The following MYO5B variants were observed in gnomAD, a reference collection of about 807,000 sequenced individuals.
The protein encoded by MYO5B is unconventional myosin-Vb.
A neutral mutation model predicts 229.3 loss-of-function variants in MYO5B; 143 were observed. The ratio of observed to expected loss-of-function variants is 0.62; its 90% CI spans 0.54 to 0.72. The LOEUF is 0.72. Among genes scored for constraint, MYO5B ranks in the 30% least tolerant of loss-of-function variants. MYO5B has a pLI of 0.00. For missense variants in MYO5B, 2,321 were observed against 2,331.0 expected, an observed-to-expected ratio of 1.00 and a Z score of 0.09; for synonymous variants, 918 against 885.2, an observed-to-expected ratio of 1.04 and a Z score of -0.66.
rs748673284 is a variant in MYO5B, at chr18:49,853,652, G to C, written c.4023-5C>G. On this transcript the variant is annotated splice_region_variant and splice_polypyrimidine_tract_variant and intron_variant, in intron 30 of 39. Coordinates refer to ENST00000285039, the MANE Select transcript of MYO5B (RefSeq NM_001080467.3). Reference sequence around the variant, plus strand: ...TGCAGCTGAGCCTCCAGCAGCCTGTGCCAGGGAGAGGACAGGTGAGCACGT... The same window carrying C: ...TGCAGCTGAGCCTCCAGCAGCCTGTCCCAGGGAGAGGACAGGTGAGCACGT... The C allele has an allele frequency of 1.2e-6, 2 of 1,611,154 alleles. No homozygotes were observed. The highest frequency in any genetic ancestry group is 1.7e-6 in the Non-Finnish European group (2 of 1,179,752).
At chr18:49,964,261 T>C (rs1457740227) in intron 10 of MYO5B, among the ~76,000 whole-genome samples, 1 of 152,238 alleles carries the variant, frequency 6.6e-6, no homozygotes, top group Non-Finnish European at 1.5e-5. Flanking sequence ...GTTCTTCTAA[T>C]ACTGGTTAAC....
In MYO5B at chr18:49,912,131, G is replaced by T; in HGVS notation, c.2133C>A (p.Val711=). The change falls in exon 18 of 40, where the codon GTC becomes GTA. Residue 711 remains valine (V), a synonymous_variant. Coordinates refer to ENST00000285039, the MANE Select transcript of MYO5B (RefSeq NM_001080467.3). The part of the protein sequence containing the change: ...HDFFNRYRVL[V]KKRELANTDK... The stretch of plus-strand genomic sequence containing the variant: ...CTGTGTTGGCGAGCTCTCTCTTCTT[G>T]ACCAGCACCCGATACCGGTTGAAAA... The T allele has an allele frequency of 6.2e-7, 1 of 1,614,050 alleles. No individual in the cohort carries two copies. The highest frequency in any genetic ancestry group is 8.5e-7 in the Non-Finnish European group (1 of 1,180,026).
intron 36 of MYO5B, 61 bp downstream of exon 36, chr18:49,839,083 A>C: frequency 6.2e-7 from 1 of 1,603,800 alleles, no homozygotes; most frequent in Non-Finnish European, 8.5e-7. Context: ...GGTGCTGACC[A>C]CGCCTTCCCC....
chr18:50,045,432 T>C (rs2030196499), intron 2 of MYO5B, among the ~76,000 whole-genome samples: 2 of 152,206 alleles, frequency 1.3e-5, no homozygotes, highest in Admixed American at 6.5e-5. Context: ...CTTGCTCTAC[T>C]GCCCAGCCTG....
chr18:49,976,128 C>T (rs560535431), intron 9 of MYO5B, among the ~76,000 whole-genome samples: 4 of 152,336 alleles, frequency 2.6e-5, no homozygotes, highest in Admixed American at 6.5e-5. Context: ...AGCTTATTAA[C>T]GCTGAGGCTG....
intron 1 of MYO5B, among the ~76,000 whole-genome samples, chr18:50,083,599 G>T (rs1342727355): frequency 6.6e-6 from 1 of 152,140 alleles, no homozygotes; most frequent in Non-Finnish European, 1.5e-5. Flanking sequence ...GTGACACGTG[G>T]GCATCACAGC....
At position 50,170,420 on chromosome 18, in the gene MYO5B, T is replaced by C. The variant is rs2032907425; in HGVS notation, c.27+24347A>G. 3.1e-5 allele frequency among the ~76,000 whole-genome samples: 4 copies of C among 128,200 alleles called. 1 individual carries two copies. In the South Asian group the frequency reaches 1.1e-3, roughly 35 times the overall value. The allele number at this position is 128,200 out of a possible 152,430, so 84.1% of individuals were successfully genotyped here. A position where few individuals can be genotyped will look rare whatever the true frequency, so the allele number is the denominator to read the frequency against. On this transcript the variant is annotated intron_variant, in intron 1 of 39. Coordinates refer to ENST00000285039, the MANE Select transcript of MYO5B (RefSeq NM_001080467.3). ...TTAAGGTAACCTTTAGAATATTACC[T>C]ACAAATAAACGGGGACTTTGATAAA...
chr18:50,006,284 G>T (rs903162053), intron 4 of MYO5B, among the ~76,000 whole-genome samples: 3 of 152,158 alleles, frequency 2.0e-5, no homozygotes, highest in African/African-American at 7.2e-5. Flanking sequence ...CCAATGTGTG[G>T]CTTCATCCAT....
chr18:50,165,293 G>C (rs2032829752), intron 1 of MYO5B, among the ~76,000 whole-genome samples: 1 of 152,008 alleles, frequency 6.6e-6, no homozygotes, highest in Admixed American at 6.6e-5. Context: ...GAACAGCCTG[G>C]GCAACATGGC....
At chr18:49,834,881 A>G (rs2023968814) in intron 39 of MYO5B, among the ~76,000 whole-genome samples, 1 of 152,100 alleles carries the variant, frequency 6.6e-6, no homozygotes, top group African/African-American at 2.4e-5. Flanking sequence ...CTCGTGATCC[A>G]CCCACCTCGG....
intron 22 of MYO5B, among the ~76,000 whole-genome samples, chr18:49,890,700 A>G (rs17800754): frequency 0.58 from 88,307 of 151,942 alleles, 25,810 homozygotes; most frequent in Middle Eastern, 0.67. Context: ...TGCCAATCAG[A>G]AAAGGTTCCT....
At chr18:49,891,904 C>A (rs1241274044) in intron 22 of MYO5B, among the ~76,000 whole-genome samples, 2 of 152,226 alleles carry the variant, frequency 1.3e-5, no homozygotes, top group African/African-American at 2.4e-5. Context: ...TGCCTGGGGG[C>A]CTGCTAGTCA....
chr18:50,050,939 T>G (rs75160592), intron 2 of MYO5B, among the ~76,000 whole-genome samples: 1,740 of 152,342 alleles, frequency 0.011, 34 homozygotes, highest in African/African-American at 0.04. Flanking sequence ...CACGTGCTCT[T>G]GTCGTGGTTC....
At chr18:49,946,392 A>G (rs914685685) in intron 14 of MYO5B, 1 of 152,162 alleles carries the variant, frequency 6.6e-6, no homozygotes, top group Non-Finnish European at 1.5e-5. Flanking sequence ...CCGTAGATGC[A>G]TTTCCTTTGA....
intron 10 of MYO5B, among the ~76,000 whole-genome samples, chr18:49,972,510 A>G (rs1034908132): frequency 1.3e-5 from 2 of 152,256 alleles, no homozygotes; most frequent in African/African-American, 2.4e-5. Context: ...AAATTTTTAC[A>G]TGCTATTGAC....
chr18:49,891,224 T>A (rs2024710595), intron 22 of MYO5B, among the ~76,000 whole-genome samples: 1 of 152,150 alleles, frequency 6.6e-6, no homozygotes, highest in South Asian at 2.1e-4. Context: ...TCACCTGTTA[T>A]CCCCAAATCG....
chr18:50,097,640 G>T (rs2031577925), intron 1 of MYO5B: 1 of 194,668 alleles, frequency 5.1e-6, no homozygotes, highest in Admixed American at 5.8e-5. Context: ...CAATAAGCAT[G>T]ATGGGTATGT....
At chr18:50,092,898 AATAC>A (rs1040390635) in intron 1 of MYO5B, among the ~76,000 whole-genome samples, 7 of 152,204 alleles carry the variant, frequency 4.6e-5, no homozygotes, top group Admixed American at 2.0e-4. Flanking sequence ...TAAAATTCAG[AATAC>A]ATAAAGGAAA....
In MYO5B at chr18:50,140,614, C is replaced by T. The variant is rs534542639; in HGVS notation, c.27+54153G>A. 2.3e-4 allele frequency among the ~76,000 whole-genome samples: 35 copies of T among 152,300 alleles called. 1 individual carries two copies. In the South Asian group the frequency reaches 7.1e-3, roughly 31 times the overall value. On this transcript the variant is annotated intron_variant, in intron 1 of 39. Transcript: ENST00000285039. ...TTACAACCAAAGAGGCAAACAGCCT[C>T]CAAAGGAATGAAAACCAATTCTTTC...
Sources: allele counts gnomAD v4.1 joint callset (sites outside exome capture counted in the v4.1 genomes callset), GRCh38; gene constraint gnomAD v4.1.1; transcripts MANE v1.5; gene names NCBI Gene and HGNC (gene_info 2026-07-23, HGNC 2026-07-21).